GRID2: variants seen among roughly 807,000 people sequenced by gnomAD.
GRID2 encodes the protein glutamate ionotropic receptor delta type subunit 2.
GRID2 carries 33 observed loss-of-function variants against 114.8 expected under a neutral mutation model. The ratio of observed to expected loss-of-function variants is 0.29; its 90% confidence interval spans 0.22 to 0.38. GRID2 has a LOEUF of 0.38. Ranked by LOEUF, GRID2 falls within the 10% of genes least tolerant of loss-of-function variation. The pLI is 1.00. For missense variants in GRID2, 1,184 were observed against 1,257.7 expected (o/e 0.94, Z 0.89); for synonymous variants, 505 against 449.9 (o/e 1.12, Z -1.55).
At chr4:92,469,112 T>G (rs769465875) in intron 1 of GRID2, among the ~76,000 whole-genome samples, 11 of 152,188 alleles carry the variant, frequency 7.2e-5, no homozygotes, top group Non-Finnish European at 4.4e-5. Context: ...CCTAACATAC[T>G]TAAGAAACTT....
chr4:93,399,936 C>A (rs916521512), intron 9 of GRID2, among the ~76,000 whole-genome samples: 2 of 151,898 alleles, frequency 1.3e-5, no homozygotes, highest in Admixed American at 1.3e-4. Context: ...TTTGATAGGA[C>A]CTATTATAAG....
chr4:93,068,553 A>G (rs1374054695), intron 2 of GRID2, among the ~76,000 whole-genome samples: 1 of 152,120 alleles, frequency 6.6e-6, no homozygotes, highest in Non-Finnish European at 1.5e-5. Flanking sequence ...GATGTAATCA[A>G]TTATACAAGA....
intron 13 of GRID2, among the ~76,000 whole-genome samples, chr4:93,625,225 T>A (rs911292850): frequency 6.6e-6 from 1 of 152,192 alleles, no homozygotes; most frequent in South Asian, 2.1e-4. Flanking sequence ...AAGGCGTCAG[T>A]AGCTCTTGTC....
exon 2 of GRID2, chr4:93,807,772 A>G (rs550841686): frequency 1.3e-5 from 2 of 152,314 alleles, no homozygotes; most frequent in South Asian, 4.1e-4. Context: ...CCAGCCCCTC[A>G]TGAACTCAAT....
At chr4:92,558,396 T>C (rs1208735198) in intron 1 of GRID2, among the ~76,000 whole-genome samples, 4 of 152,182 alleles carry the variant, frequency 2.6e-5, no homozygotes, top group Non-Finnish European at 5.9e-5. Flanking sequence ...AATTGAACTT[T>C]TATAAACGTT....
chr4:93,307,366 A>G (rs1755546356), intron 8 of GRID2, among the ~76,000 whole-genome samples: 1 of 152,046 alleles, frequency 6.6e-6, no homozygotes, highest in Non-Finnish European at 1.5e-5. Context: ...AATAAGCAGC[A>G]AATGGCTTTA....
intron 2 of GRID2, among the ~76,000 whole-genome samples, chr4:92,867,808 T>C (rs1744982263): frequency 1.3e-5 from 2 of 152,170 alleles, no homozygotes; most frequent in South Asian, 4.1e-4. Flanking sequence ...TGTACAGCTA[T>C]TCAAATGTGT....
intron 2 of GRID2, among the ~76,000 whole-genome samples, chr4:93,078,470 T>C (rs1040031728): frequency 3.3e-5 from 5 of 151,584 alleles, no homozygotes; most frequent in African/African-American, 9.7e-5. Flanking sequence ...TTGCCTGATA[T>C]AGAAATACAT....
rs148699685 is a variant in GRID2 at position 92,999,608 on chromosome 4, G to A, written c.245-85387G>A. Among the ~76,000 whole-genome samples, 10 of 151,660 alleles carry A rather than the reference G, an allele frequency of 6.6e-5. No homozygotes were observed. In the East Asian group the frequency reaches 1.9e-3, roughly 29 times the overall value. On this transcript the variant is annotated intron_variant, in intron 2 of 15. Transcript: ENST00000282020. ...CTTTTATAAAAGTAAACTTCAACAG[G>A]TTGAATGCAAAATGAGTTATAAATC...
At chr4:92,559,542 C>T (rs1289216654) in intron 1 of GRID2, among the ~76,000 whole-genome samples, 3 of 152,118 alleles carry the variant, frequency 2.0e-5, no homozygotes, top group Admixed American at 6.6e-5. Flanking sequence ...TCGACATGCT[C>T]AACCTGTATT....
At chr4:93,712,217 C>A (rs1313423720) in intron 14 of GRID2, among the ~76,000 whole-genome samples, 3 of 151,666 alleles carry the variant, frequency 2.0e-5, no homozygotes, top group Admixed American at 1.3e-4. Context: ...GAAATCAATC[C>A]CTATCTTATA....
intron 14 of GRID2, among the ~76,000 whole-genome samples, chr4:93,747,245 T>G (rs77712172): frequency 0.097 from 14,746 of 152,194 alleles, 934 homozygotes; most frequent in Middle Eastern, 0.17. Context: ...AGTTCAACTG[T>G]GAAGGCAATT....
intron 14 of GRID2, among the ~76,000 whole-genome samples, chr4:93,765,655 A>G (rs1194195752): frequency 3.3e-5 from 5 of 149,278 alleles, no homozygotes; most frequent in Admixed American, 2.7e-4. Flanking sequence ...ATATATTTCA[A>G]TAATGATTTC....
At chr4:93,279,699 C>A (rs1207459487) in intron 8 of GRID2, among the ~76,000 whole-genome samples, 1 of 151,760 alleles carries the variant, frequency 6.6e-6, no homozygotes, top group Non-Finnish European at 1.5e-5. Context: ...AAGACCTTTA[C>A]TTTTTTTATA....
At chr4:93,398,487 C>T (rs1465119266) in intron 9 of GRID2, among the ~76,000 whole-genome samples, 1 of 151,576 alleles carries the variant, frequency 6.6e-6, no homozygotes, top group Non-Finnish European at 1.5e-5. Context: ...TTTTGTTTGA[C>T]TTGAGAGTTG....
At chr4:93,771,005 A>G (rs931493505) in intron 15 of GRID2, among the ~76,000 whole-genome samples, 32 of 152,312 alleles carry the variant, frequency 2.1e-4, no homozygotes, top group African/African-American at 7.7e-4. Context: ...GGAACACTAT[A>G]ATAGCACAAT....
intron 8 of GRID2, among the ~76,000 whole-genome samples, chr4:93,264,722 ATATCATTTGAAT>A (rs1205173391): frequency 4.0e-5 from 5 of 126,248 alleles, no homozygotes; most frequent in Admixed American, 1.7e-4. Context: ...ATATATATAT[ATATCATTTGAAT>A]TATATATATA....
chr4:92,565,766 T>C (rs1403217029), intron 1 of GRID2, among the ~76,000 whole-genome samples: 1 of 152,040 alleles, frequency 6.6e-6, no homozygotes, highest in Non-Finnish European at 1.5e-5. Context: ...CCAGTACTAG[T>C]TGCTCTCAGA....
At chr4:92,930,587 T>C (rs1198722806) in intron 2 of GRID2, among the ~76,000 whole-genome samples, 3 of 149,426 alleles carry the variant, frequency 2.0e-5, no homozygotes, top group East Asian at 3.9e-4. Flanking sequence ...CATTTTTTTT[T>C]TTTTTTTTTT....
Sources: gnomAD v4.1 joint callset for allele counts (sites outside exome capture counted in the v4.1 genomes callset) on GRCh38, gnomAD v4.1.1 for gene constraint, MANE v1.5 for transcripts, NCBI Gene and HGNC (gene_info 2026-07-23, HGNC 2026-07-21) for gene names.